The following MDFIC2 variants were observed in gnomAD, a reference collection of about 807,000 sequenced individuals.
The protein encoded by MDFIC2 is MyoD family inhibitor domain containing 2, also known as myoD family inhibitor domain-containing protein 2.
At chr3:70,264,431 A>G (rs553142489) in intron 2 of MDFIC2, among the ~76,000 whole-genome samples, 1 of 152,334 alleles carries the variant, frequency 6.6e-6, no homozygotes, top group East Asian at 1.9e-4. Context: ...CTAAGAACTG[A>G]ATATCGGCTT....
At chr3:70,232,490 C>A (rs760716718) in intron 2 of MDFIC2, among the ~76,000 whole-genome samples, 1 of 151,802 alleles carries the variant, frequency 6.6e-6, no homozygotes, top group Non-Finnish European at 1.5e-5. Flanking sequence ...ACCTCCGACT[C>A]CCGGGTTCAA....
intron 2 of MDFIC2, among the ~76,000 whole-genome samples, chr3:70,261,358 A>C (rs1370887209): frequency 1.3e-5 from 2 of 152,222 alleles, no homozygotes; most frequent in African/African-American, 4.8e-5. Flanking sequence ...CTTCAAAAAA[A>C]GTTGATGTGA....
chr3:70,279,542 C>T (rs1459795695), intron 2 of MDFIC2, among the ~76,000 whole-genome samples: 1 of 152,180 alleles, frequency 6.6e-6, no homozygotes, highest in Non-Finnish European at 1.5e-5. Context: ...AAATGTGTCA[C>T]CCCATCATCA....
chr3:70,274,272 A>G (rs1004204106), intron 2 of MDFIC2, among the ~76,000 whole-genome samples: 1 of 152,076 alleles, frequency 6.6e-6, no homozygotes, highest in Non-Finnish European at 1.5e-5. Context: ...CTCAAATTTT[A>G]ATATTTTAGA....
intron 2 of MDFIC2, among the ~76,000 whole-genome samples, chr3:70,214,735 G>A (rs1701388029): frequency 6.6e-6 from 1 of 151,774 alleles, no homozygotes; most frequent in African/African-American, 2.4e-5. Flanking sequence ...AGCTGGTAAC[G>A]AGGAACAATT....
At chr3:70,303,582 C>T (rs1468824129) in intron 2 of MDFIC2, among the ~76,000 whole-genome samples, 2 of 152,130 alleles carry the variant, frequency 1.3e-5, no homozygotes, top group Non-Finnish European at 1.5e-5. Context: ...ATTAATGTAG[C>T]CAGAATCAGT....
rs1048265895 is a variant in MDFIC2, at chr3:70,205,880, G to A, written c.310+689C>T. On this transcript the variant is annotated intron_variant, in intron 3 of 3. Transcript: ENST00000567252. ...CAAAATCTTGAATGGTTTTTCTCCT[G>A]TAAAGGTCATTGCAAAGTTAACCTA... The A allele has an allele frequency of 2.0e-5, 3 of 152,100 alleles. No homozygotes were observed. In the South Asian group the frequency reaches 6.2e-4, roughly 32 times the overall value. 9.4% of individuals were successfully genotyped at this position (152,100 alleles called of 1,614,324 possible). A position where few individuals can be genotyped will look rare whatever the true frequency, so the allele number is the denominator to read the frequency against.
rs1034519296 is a variant in MDFIC2 at position 70,195,088 on chromosome 3, T to C, written c.*1838A>G. Among the ~76,000 whole-genome samples, 2 of 152,212 alleles carry C rather than the reference T, an allele frequency of 1.3e-5. No individual in the cohort carries two copies. Among genetic ancestry groups the C allele is most frequent in the African/African-American group, 2.4e-5 (1 of 41,460 alleles). On this transcript the variant is annotated 3_prime_UTR_variant, in exon 4 of 4. Transcript: ENST00000567252. ...AAATTAGAACCCAAGTTAGAGTTCC[T>C]GACACTGCCAATAATTCACTGTGTG... is the stretch of plus-strand genomic sequence containing the variant.
At chr3:70,287,858 A>G (rs1205844489) in intron 2 of MDFIC2, among the ~76,000 whole-genome samples, 45 of 148,302 alleles carry the variant, frequency 3.0e-4, no homozygotes, top group South Asian at 6.4e-4. Context: ...AGGTGTTTGT[A>G]GTATTCTCTG....
At chr3:70,265,722 G>GA (rs1319979572) in intron 2 of MDFIC2, among the ~76,000 whole-genome samples, 1 of 152,152 alleles carries the variant, frequency 6.6e-6, no homozygotes, top group Non-Finnish European at 1.5e-5. Flanking sequence ...AATTTACAAA[G>GA]AAAAAAGGTT....
intron 2 of MDFIC2, among the ~76,000 whole-genome samples, chr3:70,284,351 T>C (rs1377369211): frequency 6.6e-6 from 1 of 152,176 alleles, no homozygotes; most frequent in East Asian, 1.9e-4. Flanking sequence ...CTAATAAAGT[T>C]TGCATTTGAG....
intron 2 of MDFIC2, among the ~76,000 whole-genome samples, chr3:70,269,113 A>G (rs541947127): frequency 6.6e-6 from 1 of 152,212 alleles, no homozygotes; most frequent in Non-Finnish European, 1.5e-5. Flanking sequence ...AAAGAGTGGA[A>G]TAATAATATT....
chr3:70,269,517 C>CTT (rs139928744), intron 2 of MDFIC2, among the ~76,000 whole-genome samples: 2 of 152,020 alleles, frequency 1.3e-5, no homozygotes, highest in African/African-American at 4.8e-5. Flanking sequence ...ATATCATTTT[C>CTT]TTTTTTCTGT....
intron 2 of MDFIC2, among the ~76,000 whole-genome samples, chr3:70,250,050 T>C (rs1454622159): frequency 6.6e-6 from 1 of 152,172 alleles, no homozygotes; most frequent in Non-Finnish European, 1.5e-5. Flanking sequence ...GTTATTCTTT[T>C]AAAATAAAGG....
chr3:70,284,839 C>A (rs1167172428), intron 2 of MDFIC2, among the ~76,000 whole-genome samples: 1 of 152,136 alleles, frequency 6.6e-6, no homozygotes, highest in East Asian at 1.9e-4. Context: ...GTATAACAAA[C>A]CCCCATGACA....
intron 2 of MDFIC2, among the ~76,000 whole-genome samples, chr3:70,228,515 G>A (rs2106742442): frequency 6.6e-6 from 1 of 151,828 alleles, no homozygotes; most frequent in Non-Finnish European, 1.5e-5. Flanking sequence ...CCCTGTTATA[G>A]TTTTTCTAAG....
Position 70,311,869 on chromosome 3 carries a change from A to G in MDFIC2, c.88+17T>C. 1 of 397,694 alleles carries G rather than the reference A, an allele frequency of 2.5e-6. No homozygotes were observed. Among genetic ancestry groups the G allele is most frequent in the Non-Finnish European group, 4.4e-6 (1 of 225,506 alleles). The allele number at this position is 397,694 out of a possible 1,614,324, so 24.6% of individuals were successfully genotyped here. A position where few individuals can be genotyped will look rare whatever the true frequency, so the allele number is the denominator to read the frequency against. Reference sequence around the variant, plus strand: ...AAATTTTCACACCAATAGAAAATCAAGAGCAAGAAGACTTACCTTCTTTCA... The same window carrying G: ...AAATTTTCACACCAATAGAAAATCAGGAGCAAGAAGACTTACCTTCTTTCA... On this transcript the variant is annotated intron_variant, in intron 2 of 3. Coordinates refer to ENST00000567252, the MANE Select transcript of MDFIC2 (RefSeq NM_001364677.1).
chr3:70,215,904 G>A (rs920189256), intron 2 of MDFIC2, among the ~76,000 whole-genome samples: 1 of 152,086 alleles, frequency 6.6e-6, no homozygotes, highest in African/African-American at 2.4e-5. Context: ...CACATTCTCT[G>A]TAGACTAACT....
At chr3:70,212,779 A>G (rs1701364157) in intron 2 of MDFIC2, among the ~76,000 whole-genome samples, 1 of 150,528 alleles carries the variant, frequency 6.6e-6, no homozygotes, top group Non-Finnish European at 1.5e-5. Context: ...TTACCTGAAT[A>G]TTTTCCCATT....
Sources: gnomAD v4.1 joint callset for allele counts (sites outside exome capture counted in the v4.1 genomes callset) on GRCh38, gnomAD v4.1.1 for gene constraint, MANE v1.5 for transcripts, NCBI Gene and HGNC (gene_info 2026-07-23, HGNC 2026-07-21) for gene names.